Variants in CAB39 observed in about 807,000 individuals in gnomAD.
The protein encoded by CAB39 is calcium binding protein 39, also known as calcium-binding protein 39.
CAB39 carries 8 observed loss-of-function variants against 40.0 expected under a neutral mutation model. The observed-to-expected ratio is 0.20, with a 90% CI of 0.12 to 0.36. The LOEUF (loss-of-function observed/expected upper bound fraction) is 0.36. Ranked by LOEUF, CAB39 falls within the 10% of genes least tolerant of loss-of-function variation. The pLI, the probability that CAB39 is intolerant of heterozygous loss-of-function variation, is 1.00. For missense variants in CAB39, 270 were observed against 401.1 expected, an observed-to-expected ratio of 0.67 and a Z score of 2.79; for synonymous variants, 156 against 141.6, an observed-to-expected ratio of 1.10 and a Z score of -0.72.
At chr2:230,808,415 G>A (rs1696242716) in intron 5 of CAB39, among the ~76,000 whole-genome samples, 1 of 152,168 alleles carries the variant, frequency 6.6e-6, no homozygotes, top group Non-Finnish European at 1.5e-5. Context: ...CTCCATAGCG[G>A]GACATCAGCC....
At chr2:230,739,598 G>A (rs1182917593) in intron 1 of CAB39, among the ~76,000 whole-genome samples, 1 of 152,322 alleles carries the variant, frequency 6.6e-6, no homozygotes, top group Admixed American at 6.5e-5. Flanking sequence ...GGGTTCAAGC[G>A]ATTCTCCTGC....
At chr2:230,756,661 G>GTTTGTTTATTTA (rs759319132) in intron 1 of CAB39, among the ~76,000 whole-genome samples, 9 of 95,396 alleles carry the variant, frequency 9.4e-5, no homozygotes, top group African/African-American at 3.3e-4. Flanking sequence ...CTAACTGTTT[G>GTTTGTTTATTTA]TTTATTTATT....
intron 1 of CAB39, among the ~76,000 whole-genome samples, chr2:230,759,384 T>G (rs946377683): frequency 1.3e-5 from 2 of 152,194 alleles, no homozygotes; most frequent in East Asian, 1.9e-4. Context: ...TAGTGCTGTT[T>G]GGCTAAACAC....
chr2:230,791,222 A>C (rs1695887591), intron 3 of CAB39, among the ~76,000 whole-genome samples, 186 bp downstream of exon 3: 1 of 152,168 alleles, frequency 6.6e-6, no homozygotes, highest in Admixed American at 6.5e-5. Context: ...GGGGTGTTTC[A>C]GGCTTGGGAC....
chr2:230,723,731 G>T (rs2124858790), intron 1 of CAB39, among the ~76,000 whole-genome samples: 1 of 152,296 alleles, frequency 6.6e-6, no homozygotes, highest in Non-Finnish European at 1.5e-5. Flanking sequence ...CGTATGTCTT[G>T]CCCTGCCCTC....
chr2:230,816,823 C>A (rs761175831), intron 7 of CAB39, among the ~76,000 whole-genome samples: 1 of 152,132 alleles, frequency 6.6e-6, no homozygotes, highest in African/African-American at 2.4e-5. Context: ...AGTTCAGTAA[C>A]GTGCTCAAGA....
rs746888930 is a variant in CAB39, at chr2:230,818,710, A to G, written c.*6A>G. On this transcript the variant is annotated 3_prime_UTR_variant, in exon 9 of 9. Transcript: ENST00000258418. Reference sequence around the variant, plus strand: ...CAGCTCAGCAAGAAGCTTAATCTCCAATAAACATCTATGTTAAATCCAAAT... The same window carrying G: ...CAGCTCAGCAAGAAGCTTAATCTCCGATAAACATCTATGTTAAATCCAAAT... 4 of 1,603,878 alleles carry G rather than the reference A, an allele frequency of 2.5e-6. No homozygotes were observed. Among genetic ancestry groups the G allele is most frequent in the East Asian group, 2.2e-5 (1 of 44,834 alleles).
chr2:230,787,665 C>G (rs1695816623), intron 2 of CAB39, among the ~76,000 whole-genome samples: 1 of 152,124 alleles, frequency 6.6e-6, no homozygotes, highest in Non-Finnish European at 1.5e-5. Flanking sequence ...TTGGGCTGCA[C>G]TAACATTTGT....
At chr2:230,798,961 T>G in intron 5 of CAB39, 64 bp downstream of exon 5, 1 of 1,253,322 alleles carries the variant, frequency 8.0e-7, no homozygotes, top group Non-Finnish European at 1.1e-6. Context: ...TTTCTAAACC[T>G]TCATTGCCCT....
At chr2:230,724,244 CAA>C (rs60084225) in intron 1 of CAB39, among the ~76,000 whole-genome samples, 5,721 of 101,078 alleles carry the variant, frequency 0.057, 369 homozygotes, top group African/African-American at 0.16. Context: ...AAGACTGTCT[CAA>C]AAAAAAAAAA....
intron 5 of CAB39, among the ~76,000 whole-genome samples, chr2:230,802,552 G>A (rs538488819): frequency 2.6e-5 from 4 of 152,036 alleles, no homozygotes; most frequent in South Asian, 2.1e-4. Flanking sequence ...TCAAATAGAC[G>A]CAATAAAAAA....
chr2:230,748,813 GAAAA>G (rs759314442), intron 1 of CAB39, among the ~76,000 whole-genome samples: 96 of 31,750 alleles, frequency 3.0e-3, no homozygotes, highest in East Asian at 0.014. Flanking sequence ...TTTCCAAAAA[GAAAA>G]AAAAAAAAAA....
chr2:230,811,115 T>C (rs1696296506), intron 6 of CAB39, among the ~76,000 whole-genome samples: 1 of 152,140 alleles, frequency 6.6e-6, no homozygotes, highest in Admixed American at 6.5e-5. Context: ...CGTAAAGAGG[T>C]TAGAAGAATG....
chr2:230,724,875 T>G (rs1360041968), intron 1 of CAB39, among the ~76,000 whole-genome samples: 3 of 136,818 alleles, frequency 2.2e-5, no homozygotes, highest in South Asian at 2.3e-4. Flanking sequence ...AGGGTGGGGG[T>G]GAGGGATGGG....
chr2:230,802,829 A>G (rs1696116127), intron 5 of CAB39, among the ~76,000 whole-genome samples: 1 of 152,252 alleles, frequency 6.6e-6, no homozygotes, highest in South Asian at 2.1e-4. Context: ...TGCCAGAGGT[A>G]CAAGGAGAAG....
intron 1 of CAB39, among the ~76,000 whole-genome samples, chr2:230,735,614 A>G (rs559946108): frequency 2.0e-5 from 3 of 152,296 alleles, no homozygotes; most frequent in Non-Finnish European, 2.9e-5. Flanking sequence ...CACTGGCTCA[A>G]GCAGTCCTCC....
At chr2:230,805,887 GT>G (rs1181221365) in intron 5 of CAB39, among the ~76,000 whole-genome samples, 3 of 152,136 alleles carry the variant, frequency 2.0e-5, no homozygotes, top group African/African-American at 4.8e-5. Context: ...CCAGCTGAAC[GT>G]TTTTATTAGT....
intron 2 of CAB39, among the ~76,000 whole-genome samples, chr2:230,769,956 C>CA (rs1268807489): frequency 2.0e-5 from 3 of 151,032 alleles, no homozygotes; most frequent in Admixed American, 6.6e-5. Context: ...GACCCTGTCT[C>CA]AAAAAAAAGA....
chr2:230,768,635 C>A (rs1695430657), intron 2 of CAB39, among the ~76,000 whole-genome samples: 1 of 152,114 alleles, frequency 6.6e-6, no homozygotes, highest in South Asian at 2.1e-4. Context: ...ATAGCACATT[C>A]TATGGGTGAC....
Sources: allele counts gnomAD v4.1 joint callset (sites outside exome capture counted in the v4.1 genomes callset), GRCh38; gene constraint gnomAD v4.1.1; transcripts MANE v1.5; gene names NCBI Gene and HGNC (gene_info 2026-07-23, HGNC 2026-07-21).